The following NAA35 variants were observed in gnomAD, a reference collection of about 807,000 sequenced individuals.
NAA35 encodes N-alpha-acetyltransferase 35, NatC auxiliary subunit, also known as MAK10 homolog, amino-acid N-acetyltransferase subunit.
In NAA35, 18 loss-of-function variants were observed where a neutral mutation model predicts 101.7. That is an observed-to-expected ratio of 0.18 (90% CI 0.12 to 0.26). The LOEUF (loss-of-function observed/expected upper bound fraction) is 0.26. Among genes scored for constraint, NAA35 ranks in the 10% least tolerant of loss-of-function variants. The pLI is 1.00. For missense variants in NAA35, 601 were observed against 886.8 expected (o/e 0.68, Z 4.09); for synonymous variants, 267 against 273.1 (o/e 0.98, Z 0.22).
intron 2 of NAA35, among the ~76,000 whole-genome samples, chr9:85,952,556 A>AT (rs1194432447): frequency 6.6e-6 from 1 of 152,004 alleles, no homozygotes; most frequent in African/African-American, 2.4e-5. Context: ...AAGTGCTGGG[A>AT]TTATAGGCGT....
intron 11 of NAA35, 61 bp downstream of exon 11, chr9:85,978,442 C>A: frequency 1.7e-6 from 2 of 1,194,656 alleles, no homozygotes; most frequent in Non-Finnish European, 2.5e-6. Context: ...ATATTTAGTG[C>A]TTAGCTTGTA....
intron 11 of NAA35, among the ~76,000 whole-genome samples, chr9:85,981,119 T>C (rs1170683260): frequency 1.3e-5 from 2 of 152,208 alleles, no homozygotes; most frequent in Non-Finnish European, 2.9e-5. Flanking sequence ...CTAGTTGTGC[T>C]GACTTTGTAT....
At chr9:85,962,659 A>G (rs1370243522) in intron 6 of NAA35, among the ~76,000 whole-genome samples, 2 of 152,180 alleles carry the variant, frequency 1.3e-5, no homozygotes, top group Admixed American at 6.5e-5. Flanking sequence ...TATTGGGTAA[A>G]GTAATTCAGT....
chr9:85,989,952 T>C (rs1245928199), intron 11 of NAA35, among the ~76,000 whole-genome samples: 3 of 152,176 alleles, frequency 2.0e-5, no homozygotes, highest in Non-Finnish European at 4.4e-5. Context: ...CCAATGGCGA[T>C]AGAGATAAGA....
At chr9:85,975,607 GTTATT>G (rs1830179800) in intron 8 of NAA35, among the ~76,000 whole-genome samples, 1 of 151,988 alleles carries the variant, frequency 6.6e-6, no homozygotes, top group African/African-American at 2.4e-5. Flanking sequence ...ATTTTTTAAT[GTTATT>G]TTAAAATTTT....
intron 12 of NAA35, among the ~76,000 whole-genome samples, chr9:85,997,244 G>A (rs539574563): frequency 5.9e-5 from 9 of 152,146 alleles, no homozygotes; most frequent in Non-Finnish European, 1.3e-4. Flanking sequence ...TTGCAGGTGT[G>A]AGCTACTGCG....
chr9:85,972,066 C>A (rs1018367464), intron 6 of NAA35, among the ~76,000 whole-genome samples: 3 of 152,112 alleles, frequency 2.0e-5, no homozygotes, highest in Non-Finnish European at 4.4e-5. Flanking sequence ...AGATTAAATT[C>A]TTATTACTGA....
At position 86,007,344 on chromosome 9, in the gene NAA35, A is replaced by G. The variant is rs1831690550; in HGVS notation, c.1117-14A>G. The G allele has an allele frequency of 1.3e-6, 2 of 1,579,426 alleles. No individual in the cohort carries two copies. The highest frequency in any genetic ancestry group is 1.7e-5 in the Admixed American group (1 of 59,786). Reference sequence around the variant, plus strand: ...TGCGTGACACCGTAACTAATATATAACATTTGTTTTAAGACCACTTTCCTG... The same window carrying G: ...TGCGTGACACCGTAACTAATATATAGCATTTGTTTTAAGACCACTTTCCTG... On this transcript the variant is annotated splice_polypyrimidine_tract_variant and intron_variant, in intron 13 of 22. Transcript: ENST00000361671.
At chr9:86,004,623 C>T (rs1461250933) in intron 13 of NAA35, among the ~76,000 whole-genome samples, 1 of 152,094 alleles carries the variant, frequency 6.6e-6, no homozygotes, top group African/African-American at 2.4e-5. Context: ...ATCAATGCAA[C>T]CCAAAGCTCA....
At chr9:85,958,428 A>C in intron 3 of NAA35, 44 bp from the exon 4 acceptor site, 2 of 1,211,812 alleles carry the variant, frequency 1.7e-6, no homozygotes, top group East Asian at 4.8e-5. Context: ...GAATAAGCTT[A>C]CTGGCTCAAA....
rs552339950 is a variant in NAA35 at position 86,023,297 on chromosome 9, CAA to C, written c.*1339_*1340del. Among the ~76,000 whole-genome samples, 13 of 152,114 alleles carry C rather than the reference CAA, an allele frequency of 8.5e-5. No homozygotes were observed. The East Asian group carries it at 2.3e-3, about 27-fold the overall frequency. Reference sequence around the variant, plus strand: ...AATAGAAACTTCAATTATGGAGAGACAAAGAGTATACCTGTTACTGATGTAGT... The same window carrying C: ...AATAGAAACTTCAATTATGGAGAGACAGAGTATACCTGTTACTGATGTAGT... On this transcript the variant is annotated 3_prime_UTR_variant, in exon 23 of 23. Coordinates refer to ENST00000361671, the MANE Select transcript of NAA35 (RefSeq NM_024635.4).
intron 11 of NAA35, among the ~76,000 whole-genome samples, chr9:85,985,344 G>GA (rs1432233988): frequency 6.6e-6 from 1 of 152,156 alleles, no homozygotes; most frequent in Admixed American, 6.5e-5. Flanking sequence ...AGCCAAAAGG[G>GA]AAAAATAGCT....
chr9:85,948,875 A>T (rs574366207), intron 2 of NAA35, among the ~76,000 whole-genome samples: 143 of 151,836 alleles, frequency 9.4e-4, no homozygotes, highest in African/African-American at 3.3e-3. Context: ...CTCCTGCCTC[A>T]GCCTCCCGGG....
At chr9:85,956,282 G>T in intron 2 of NAA35, 78 bp from the exon 3 acceptor site, 1 of 821,726 alleles carries the variant, frequency 1.2e-6, no homozygotes, top group Non-Finnish European at 1.8e-6. Context: ...ATCTTTTCAG[G>T]TGCTAATGTC....
chr9:85,950,434 G>A (rs1374990212), intron 2 of NAA35, among the ~76,000 whole-genome samples: 1 of 152,106 alleles, frequency 6.6e-6, no homozygotes, highest in African/African-American at 2.4e-5. Context: ...TAGCAGAGAT[G>A]GGGTTTCACC....
chr9:86,014,034 T>G, intron 17 of NAA35, 137 bp downstream of exon 17: 1 of 613,892 alleles, frequency 1.6e-6, no homozygotes, highest in Non-Finnish European at 2.6e-6. Flanking sequence ...ATTTGAAAAT[T>G]AGAGCTAGAT....
chr9:86,022,999 AG>A lies in NAA35; in HGVS notation c.*1042del, dbSNP rs965404415. 3.9e-5 allele frequency among the ~76,000 whole-genome samples: 6 copies of A among 152,210 alleles called. No individual in the cohort carries two copies. Among genetic ancestry groups the A allele is most frequent in the Non-Finnish European group, 8.8e-5 (6 of 68,040 alleles). On this transcript the variant is annotated 3_prime_UTR_variant, in exon 23 of 23. Transcript: ENST00000361671. ...GTTTTATATTTGGTCTGTGGTTAAA[AG>A]GGTTCTCAGCTTCAAATATCTTAAC...
intron 21 of NAA35, among the ~76,000 whole-genome samples, chr9:86,020,131 T>C (rs563655391): frequency 1.3e-5 from 2 of 152,320 alleles, no homozygotes; most frequent in South Asian, 4.1e-4. Flanking sequence ...GTATAAAATA[T>C]CTTTATAAAG....
intron 6 of NAA35, among the ~76,000 whole-genome samples, chr9:85,972,438 C>G (rs7875074): frequency 0.79 from 116,346 of 146,772 alleles, 46,183 homozygotes; most frequent in African/African-American, 0.89. Context: ...GAGCCCAGAG[C>G]GGGGTGGAGG....
Sources: gnomAD v4.1 joint callset for allele counts (sites outside exome capture counted in the v4.1 genomes callset) on GRCh38, gnomAD v4.1.1 for gene constraint, MANE v1.5 for transcripts, NCBI Gene and HGNC (gene_info 2026-07-23, HGNC 2026-07-21) for gene names.